The following EMC1 variants were observed in gnomAD, a reference collection of about 807,000 sequenced individuals.
EMC1 encodes KIAA0090.
EMC1 carries 103 observed loss-of-function variants against 128.8 expected under a neutral mutation model. That is an observed-to-expected ratio of 0.80 (90% CI 0.68 to 0.94). The LOEUF (loss-of-function observed/expected upper bound fraction) is 0.94, where lower values mean the gene tolerates loss of function less well. Ranked by LOEUF, EMC1 falls within the 40% of genes least tolerant of loss-of-function variation. EMC1 has a pLI of 0.00. For synonymous variants in EMC1, 442 were observed against 490.4 expected (o/e 0.90, Z 1.30); for missense variants, 1,083 against 1,250.6 (o/e 0.87, Z 2.02).
chr1:19,228,824 G>C (rs925503131), intron 17 of EMC1, among the ~76,000 whole-genome samples: 2 of 152,190 alleles, frequency 1.3e-5, no homozygotes, highest in Non-Finnish European at 2.9e-5. Flanking sequence ...GCCCGAGGCG[G>C]GAGGATCACT....
chr1:19,248,564 C>T (rs989318353), intron 1 of EMC1, among the ~76,000 whole-genome samples: 2 of 152,170 alleles, frequency 1.3e-5, no homozygotes, highest in East Asian at 1.9e-4. Context: ...GGACTACAGG[C>T]GTGTGCCACC....
Position 19,244,001 on chromosome 1 carries a change from C to A in EMC1, c.235G>T (p.Asp79Tyr). 6.2e-7 allele frequency: 1 copy of A among 1,614,100 alleles called. No homozygotes were observed. Among genetic ancestry groups the A allele is most frequent in the South Asian group, 1.1e-5 (1 of 91,064 alleles). ...RTGEILWRHVDKGTAEGAVDA... is the reference protein window; with the variant it reads ...RTGEILWRHVYKGTAEGAVDA... ...ACAGCCCCTTCTGCCGTGCCCTTGT[C>A]AACATGGCGCCACACTGAGAGACAT... Residue 79 changes from aspartate to tyrosine, a missense_variant, in exon 3 of 23, where the codon GAC becomes TAC. Physicochemically the swap from Asp to Tyr is radical, Grantham distance 160. This residue lies in a region of EMC1 where 544 missense variants were observed against 572.4 expected (regional missense o/e 0.95). Transcript: ENST00000477853.
intron 16 of EMC1, 22 bp from the exon 17 acceptor site, chr1:19,230,985 A>C (rs1464097049): frequency 6.2e-7 from 1 of 1,612,552 alleles, no homozygotes; most frequent in Admixed American, 1.7e-5. Context: ...CAGAGAGCCC[A>C]AGGAAAGAGT....
rs910675846 is a variant in EMC1, at chr1:19,245,163, C to T, written c.96-133G>A. On this transcript the variant is annotated intron_variant, in intron 1 of 22. Coordinates refer to ENST00000477853, the MANE Select transcript of EMC1 (RefSeq NM_015047.3). ...ACATAAGACGTGTTTGTTAGCTGGG[C>T]GCAGTGGCTCACACCTGTAATCCCA... The T allele has an allele frequency of 6.2e-6, 6 of 964,108 alleles. No homozygotes were observed. The South Asian group carries it at 7.8e-5, about 13-fold the overall frequency. The allele number at this position is 964,108 out of a possible 1,614,324, so 59.7% of individuals were successfully genotyped here. A position where few individuals can be genotyped will look rare whatever the true frequency, so the allele number is the denominator to read the frequency against.
At chr1:19,225,079 A>G (rs1333805800) in intron 18 of EMC1, among the ~76,000 whole-genome samples, 2 of 152,100 alleles carry the variant, frequency 1.3e-5, no homozygotes, top group African/African-American at 4.8e-5. Context: ...CTAATATACT[A>G]TCTAATTTAC....
intron 12 of EMC1, among the ~76,000 whole-genome samples, chr1:19,236,883 G>A (rs1321805406): frequency 1.4e-5 from 2 of 147,736 alleles, no homozygotes; most frequent in East Asian, 2.0e-4. Context: ...CAGGAGAATC[G>A]CTTGAATCCG....
chr1:19,227,737 AG>A (rs1044607394), intron 17 of EMC1, among the ~76,000 whole-genome samples: 4 of 152,206 alleles, frequency 2.6e-5, no homozygotes, highest in African/African-American at 9.7e-5. Flanking sequence ...ATGTGGTGGC[AG>A]GCACCTATAA....
In EMC1 at chr1:19,222,600, C is replaced by T. The variant is rs770132515; in HGVS notation, c.2587+24G>A. 1.7e-5 allele frequency: 27 copies of T among 1,609,680 alleles called. No homozygotes were observed. In the South Asian group the frequency reaches 3.0e-4, roughly 18 times the overall value. On this transcript the variant is annotated intron_variant, in intron 20 of 22. Coordinates refer to ENST00000477853, the MANE Select transcript of EMC1 (RefSeq NM_015047.3). ...TGGTTGCCCAAGGGAACCCAGCCAT[C>T]CCAGAGGCTCCCCAGTCACTCACTC... is the stretch of plus-strand genomic sequence containing the variant.
intron 15 of EMC1, among the ~76,000 whole-genome samples, 192 bp from the exon 16 acceptor site, chr1:19,231,614 G>C (rs1438650287): frequency 6.6e-6 from 1 of 152,128 alleles, no homozygotes; most frequent in Non-Finnish European, 1.5e-5. Flanking sequence ...AAGTCAAACT[G>C]TCTCTGCCAG....
Position 19,241,072 on chromosome 1 carries a change from A to G in EMC1, c.580T>C (p.Phe194Leu). 1 of 1,614,152 alleles carries G rather than the reference A, an allele frequency of 6.2e-7. No individual in the cohort carries two copies. The highest frequency in any genetic ancestry group is 8.5e-7 in the Non-Finnish European group (1 of 1,180,010). ...GVVWALGVVP[F>L]SHVNIVKFNV... ...AACTTGACAATGTTCACATGGCTGA[A>G]GGGAACAACTCCGAGGGCCCACACC... The change falls in exon 6 of 23, where the codon TTC (phenylalanine) becomes CTC (leucine). Residue 194 changes from phenylalanine (F) to leucine (L), a missense_variant. Coordinates refer to ENST00000477853, the MANE Select transcript of EMC1 (RefSeq NM_015047.3).
intron 1 of EMC1, among the ~76,000 whole-genome samples, chr1:19,249,988 C>G (rs1395788832): frequency 6.6e-6 from 1 of 151,978 alleles, no homozygotes; most frequent in African/African-American, 2.4e-5. Context: ...GAGGCCTAGG[C>G]GGGTGGATTA....
At chr1:19,234,263 G>A in intron 13 of EMC1, 2 of 808,266 alleles carry the variant, frequency 2.5e-6, no homozygotes, top group Non-Finnish European at 3.0e-6. Context: ...TTGCCTAGCA[G>A]AGTGCCTGGT....
At chr1:19,245,611 A>G (rs1282458833) in intron 1 of EMC1, among the ~76,000 whole-genome samples, 1 of 146,878 alleles carries the variant, frequency 6.8e-6, no homozygotes, top group African/African-American at 2.6e-5. Context: ...GACACCCAAA[A>G]GGGCACCTTA....
At chr1:19,246,041 G>A (rs778958483) in intron 1 of EMC1, among the ~76,000 whole-genome samples, 12 of 151,504 alleles carry the variant, frequency 7.9e-5, no homozygotes, top group Admixed American at 2.0e-4. Flanking sequence ...GGAGGTCGAG[G>A]CTGCAGTGAG....
intron 20 of EMC1, 116 bp downstream of exon 20, chr1:19,222,508 A>T: frequency 1.1e-6 from 1 of 890,058 alleles, no homozygotes; most frequent in Non-Finnish European, 1.8e-6. Flanking sequence ...CCTCCTCACC[A>T]CCTTTCCCTT....
rs1370016727 is a variant in EMC1 at position 19,232,618 on chromosome 1, C to T, written c.1782+6G>A. The T allele has an allele frequency of 1.2e-6, 2 of 1,613,828 alleles. No homozygotes were observed. Among genetic ancestry groups the T allele is most frequent in the Non-Finnish European group, 1.7e-6 (2 of 1,179,984 alleles). ...GTCTGGCTCAAGTCAGAGCTGGATG[C>T]CTCACCTTGTCCTTCACCAGCAGGG... On this transcript the variant is annotated splice_donor_region_variant and intron_variant, in intron 15 of 22. Coordinates refer to ENST00000477853, the MANE Select transcript of EMC1 (RefSeq NM_015047.3).
Position 19,219,500 on chromosome 1 carries a change from T to C in EMC1, c.2803-18A>G, listed in dbSNP as rs2093414633. 6.2e-7 allele frequency: 1 copy of C among 1,613,752 alleles called. No individual in the cohort carries two copies. The highest frequency in any genetic ancestry group is 1.3e-5 in the African/African-American group (1 of 74,824). ...GCCACAACCTGGAAGGCAGATGGAATAAGAATTAGGAAAGAAACAACCAAT... is the reference window on the plus strand; with the variant it reads ...GCCACAACCTGGAAGGCAGATGGAACAAGAATTAGGAAAGAAACAACCAAT... On this transcript the variant is annotated intron_variant, in intron 22 of 22. Transcript: ENST00000477853.
At chr1:19,237,548 T>C (rs1304660228) in intron 11 of EMC1, among the ~76,000 whole-genome samples, 1 of 152,030 alleles carries the variant, frequency 6.6e-6, no homozygotes, top group Admixed American at 6.6e-5. Flanking sequence ...CTTTCCGCTT[T>C]AGAAACGAAG....
In EMC1 at chr1:19,222,810, G is replaced by A. The variant is rs764292055; in HGVS notation, c.2401C>T (p.Arg801Trp). The A allele has an allele frequency of 6.2e-6, 10 of 1,612,026 alleles. No individual in the cohort carries two copies. The Admixed American group carries it at 1.0e-4, about 16-fold the overall frequency. ...VVYQYWNTKARRNEFTVLELY... is the reference protein window; with the variant it reads ...VVYQYWNTKAWRNEFTVLELY... ...TCCAGTACGGTAAACTCGTTGCGCC[G>A]AGCCTTGGTGTTCCAGTACTGGTAC... Residue 801 changes from arginine to tryptophan, a missense_variant, in exon 20 of 23, where the codon CGG (arginine) becomes TGG (tryptophan). Transcript: ENST00000477853.
Sources: gnomAD v4.1 joint callset for allele counts (sites outside exome capture counted in the v4.1 genomes callset) on GRCh38, gnomAD v4.1.1 for gene constraint, gnomAD v4.1.1 regional missense constraint, MANE v1.5 for transcripts, NCBI Gene and HGNC (gene_info 2026-07-23, HGNC 2026-07-21) for gene names.